The following MAML3 variants were observed in gnomAD, a reference collection of about 807,000 sequenced individuals.
The protein encoded by MAML3 is mastermind like transcriptional coactivator 3.
A neutral mutation model predicts 101.9 loss-of-function variants in MAML3; 27 were observed. The observed-to-expected ratio is 0.27, with a 90% CI of 0.20 to 0.37. The LOEUF (loss-of-function observed/expected upper bound fraction) is 0.37. MAML3 is among the 10% of genes least tolerant of loss of function. The pLI is 1.00. For missense variants in MAML3, 1,316 were observed against 1,444.9 expected, an observed-to-expected ratio of 0.91 and a Z score of 1.45; for synonymous variants, 501 against 555.9, an observed-to-expected ratio of 0.90 and a Z score of 1.39.
At chr4:139,723,722 A>G (rs1728353967) in intron 4 of MAML3, among the ~76,000 whole-genome samples, 1 of 152,188 alleles carries the variant, frequency 6.6e-6, no homozygotes, top group South Asian at 2.1e-4. Flanking sequence ...CACAAATAAT[A>G]CATGAGTTAT....
At chr4:140,076,082 G>A (rs1727760533) in intron 1 of MAML3, among the ~76,000 whole-genome samples, 1 of 151,916 alleles carries the variant, frequency 6.6e-6, no homozygotes, top group Non-Finnish European at 1.5e-5. Flanking sequence ...GCCCAGGCTG[G>A]TCTTAAACAC....
At chr4:139,841,253 CA>C (rs1244762348) in intron 2 of MAML3, among the ~76,000 whole-genome samples, 1 of 152,200 alleles carries the variant, frequency 6.6e-6, no homozygotes, top group Non-Finnish European at 1.5e-5. Flanking sequence ...TCCCTCTCTG[CA>C]GACCTTTTGG....
At chr4:139,954,920 AAAG>A (rs1267374807) in intron 1 of MAML3, among the ~76,000 whole-genome samples, 1 of 152,224 alleles carries the variant, frequency 6.6e-6, no homozygotes, top group East Asian at 1.9e-4. Flanking sequence ...TTTAAAAATT[AAAG>A]AATAACAATG....
intron 1 of MAML3, among the ~76,000 whole-genome samples, chr4:139,949,316 G>C (rs1733793507): frequency 6.6e-6 from 1 of 152,170 alleles, no homozygotes; most frequent in South Asian, 2.1e-4. Flanking sequence ...CACCCGGCCA[G>C]TAGTAGAAAT....
intron 1 of MAML3, among the ~76,000 whole-genome samples, chr4:140,024,436 C>T (rs7683830): frequency 0.035 from 5,392 of 152,066 alleles, 282 homozygotes; most frequent in African/African-American, 0.11. Context: ...ACTTTGTTGC[C>T]CAGACTGGTC....
At chr4:139,879,214 A>T (rs573095704) in intron 2 of MAML3, among the ~76,000 whole-genome samples, 1 of 152,256 alleles carries the variant, frequency 6.6e-6, no homozygotes, top group Admixed American at 6.5e-5. Context: ...TATCTTATGT[A>T]CTATTTCTCC....
chr4:140,073,701 C>T (rs1181241759), intron 1 of MAML3, among the ~76,000 whole-genome samples: 2 of 152,144 alleles, frequency 1.3e-5, no homozygotes, highest in African/African-American at 2.4e-5. Flanking sequence ...AAATAGTCTT[C>T]AAAATAATCC....
At chr4:139,801,654 G>C (rs1448988664) in intron 2 of MAML3, among the ~76,000 whole-genome samples, 1 of 17,802 alleles carries the variant, frequency 5.6e-5, no homozygotes, top group African/African-American at 1.3e-4. Flanking sequence ...GTGTGTGTGT[G>C]TGTGTGTGTG....
intron 2 of MAML3, among the ~76,000 whole-genome samples, chr4:139,747,519 C>T (rs1729365376): frequency 6.6e-6 from 1 of 151,842 alleles, no homozygotes. Context: ...CATGGTGAAA[C>T]CCCGTCTCTA....
chr4:139,982,747 C>T (rs1734468752), intron 1 of MAML3, among the ~76,000 whole-genome samples: 1 of 152,166 alleles, frequency 6.6e-6, no homozygotes, highest in African/African-American at 2.4e-5. Context: ...GTTTTCAACT[C>T]CAATACATCA....
At chr4:139,786,311 T>C (rs1207976925) in intron 2 of MAML3, among the ~76,000 whole-genome samples, 1 of 151,816 alleles carries the variant, frequency 6.6e-6, no homozygotes, top group Non-Finnish European at 1.5e-5. Flanking sequence ...AGACAAGGCG[T>C]ATGAGTGCTA....
At chr4:139,982,811 A>G (rs1319146272) in intron 1 of MAML3, among the ~76,000 whole-genome samples, 2 of 152,200 alleles carry the variant, frequency 1.3e-5, no homozygotes, top group African/African-American at 4.8e-5. Flanking sequence ...CTCCACTTCA[A>G]TAGTGAGAAA....
rs535361445 is a variant in MAML3 at position 139,840,497 on chromosome 4, C to T, written c.2079+48860G>A. Reference sequence around the variant, plus strand: ...GCAAGAATCACCCAGACAGAAGCCCCGGTGCAGTGTGAGCAGCGGCTAGAT... The same window carrying T: ...GCAAGAATCACCCAGACAGAAGCCCTGGTGCAGTGTGAGCAGCGGCTAGAT... On this transcript the variant is annotated intron_variant, in intron 2 of 4. Transcript: ENST00000509479. Among the ~76,000 whole-genome samples, 14 of 152,270 alleles carry T rather than the reference C, an allele frequency of 9.2e-5. No individual in the cohort carries two copies. In the South Asian group the frequency reaches 1.9e-3, roughly 20 times the overall value.
intron 1 of MAML3, among the ~76,000 whole-genome samples, chr4:140,108,138 C>A (rs1728382490): frequency 6.6e-6 from 1 of 152,062 alleles, no homozygotes; most frequent in African/African-American, 2.4e-5. Context: ...CCCAACCCAC[C>A]ATGTATGCAC....
chr4:140,152,798 G>GGCCCC, intron 1 of MAML3, 62 bp downstream of exon 1: 1 of 1,555,824 alleles, frequency 6.4e-7, no homozygotes, highest in Non-Finnish European at 8.7e-7. Context: ...AGCTCCACGC[G>GGCCCC]CCCCCCACCA....
intron 1 of MAML3, among the ~76,000 whole-genome samples, chr4:139,997,764 A>T (rs1263543797): frequency 6.0e-5 from 9 of 150,958 alleles, no homozygotes; most frequent in African/African-American, 1.9e-4. Context: ...TTTTTTTTTT[A>T]AATTCGGGAT....
At chr4:139,781,640 G>A (rs971633500) in intron 2 of MAML3, among the ~76,000 whole-genome samples, 1 of 152,004 alleles carries the variant, frequency 6.6e-6, no homozygotes, top group Non-Finnish European at 1.5e-5. Context: ...GGTGGGCAAA[G>A]AGGGGAGAAT....
Position 140,061,973 on chromosome 4 carries a change from G to T in MAML3, c.468+90887C>A, listed in dbSNP as rs1025180440. ...TTTTGTCTAGAAAGTCACTAAGAAAGGAGGAGAATGTACAGCAATCCCCAA... is the reference window on the plus strand; with the variant it reads ...TTTTGTCTAGAAAGTCACTAAGAAATGAGGAGAATGTACAGCAATCCCCAA... On this transcript the variant is annotated intron_variant, in intron 1 of 4. Coordinates refer to ENST00000509479, the MANE Select transcript of MAML3 (RefSeq NM_018717.5). Among the ~76,000 whole-genome samples the T allele has an allele frequency of 2.0e-5, 3 of 152,266 alleles. No individual in the cohort carries two copies. In the East Asian group the frequency reaches 5.8e-4, roughly 29 times the overall value.
At chr4:139,742,798 T>C (rs1326369845) in intron 2 of MAML3, among the ~76,000 whole-genome samples, 1 of 152,214 alleles carries the variant, frequency 6.6e-6, no homozygotes, top group Admixed American at 6.5e-5. Context: ...CCTTGGGAAG[T>C]TGATGGGAAA....
Sources: gnomAD v4.1 joint callset for allele counts (sites outside exome capture counted in the v4.1 genomes callset) on GRCh38, gnomAD v4.1.1 for gene constraint, MANE v1.5 for transcripts, NCBI Gene and HGNC (gene_info 2026-07-23, HGNC 2026-07-21) for gene names.